GBF1: variants seen among roughly 807,000 people sequenced by gnomAD.
GBF1 encodes the protein golgi brefeldin A resistant guanine nucleotide exchange factor 1.
GBF1 carries 114 observed loss-of-function variants against 210.5 expected under a neutral mutation model. That is an observed-to-expected ratio of 0.54 (90% CI 0.47 to 0.63). The LOEUF (loss-of-function observed/expected upper bound fraction) is 0.63. Ranked by LOEUF, GBF1 falls within the 30% of genes least tolerant of loss-of-function variation. The probability of loss-of-function intolerance (pLI) is 0.00; values close to 1 mark genes in which losing one functional copy is unlikely to be tolerated. For missense variants in GBF1, 1,851 were observed against 2,357.7 expected, an observed-to-expected ratio of 0.79 and a Z score of 4.45; for synonymous variants, 850 against 889.2, an observed-to-expected ratio of 0.96 and a Z score of 0.78.
chr10:102,319,245 G>A (rs962624149), intron 3 of GBF1, among the ~76,000 whole-genome samples: 39 of 152,248 alleles, frequency 2.6e-4, no homozygotes, highest in Admixed American at 6.5e-4. Flanking sequence ...GCATGAACCC[G>A]GGAGGCGGAG....
chr10:102,333,923 T>C (rs999410154), intron 3 of GBF1, among the ~76,000 whole-genome samples: 6 of 152,222 alleles, frequency 3.9e-5, no homozygotes, highest in Non-Finnish European at 8.8e-5. Context: ...AATGTACAGA[T>C]ACAGACAGAA....
chr10:102,361,005 C>T lies in GBF1; in HGVS notation c.1393-17C>T, dbSNP rs753392881. On this transcript the variant is annotated splice_polypyrimidine_tract_variant and intron_variant, in intron 12 of 39. Transcript: ENST00000369983. ...AAAAAAAAAAAAACTCATGGCCTAC[C>T]CTGCTCTCATCTCCAGCTACTCAGC... 1 of 1,301,094 alleles carries T rather than the reference C, an allele frequency of 7.7e-7. No homozygotes were observed. Among genetic ancestry groups the T allele is most frequent in the South Asian group, 1.2e-5 (1 of 84,948 alleles). The allele number at this position is 1,301,094 out of a possible 1,614,324, so 80.6% of individuals were successfully genotyped here.
At position 102,359,233 on chromosome 10, in the gene GBF1, C is replaced by T. The variant is rs78416676; in HGVS notation, c.1012-34C>T. The T allele has an allele frequency of 2.4e-3, 3,591 of 1,527,200 alleles. 5 individuals are homozygous for T. Among genetic ancestry groups the T allele is most frequent in the Admixed American group, 3.2e-3 (191 of 59,850 alleles). 94.6% of individuals were successfully genotyped at this position (1,527,200 alleles called of 1,614,324 possible). On this transcript the variant is annotated intron_variant, in intron 10 of 39. Coordinates refer to ENST00000369983, the MANE Select transcript of GBF1 (RefSeq NM_001377137.1). ...AAGTTCCAAGTTGCTCTTGCCTCAT[C>T]CCTCTTCCCATATCTCCCTGCTACT...
chr10:102,351,311 C>T lies in GBF1; in HGVS notation c.351C>T (p.Thr117=). Residue 117 remains threonine, a synonymous_variant, in exon 5 of 40, where the codon ACC becomes ACT. Coordinates refer to ENST00000369983, the MANE Select transcript of GBF1 (RefSeq NM_001377137.1). The part of the protein sequence containing the change: ...EGMENMADAV[T]HARFVGTDPA... The stretch of plus-strand genomic sequence containing the variant: ...TGGAGAACATGGCAGATGCTGTCAC[C>T]CATGCTCGTTTTGTGGGCACGGATC... The T allele has an allele frequency of 6.2e-7, 1 of 1,612,430 alleles. No homozygotes were observed. Among genetic ancestry groups the T allele is most frequent in the Non-Finnish European group, 8.5e-7 (1 of 1,178,522 alleles).
At chr10:102,352,629 A>C in intron 7 of GBF1, 111 bp downstream of exon 7, 3 of 748,932 alleles carry the variant, frequency 4.0e-6, no homozygotes. Flanking sequence ...ATCAGAGGCC[A>C]CTGGGATTAT....
At chr10:102,233,444 C>T in the GBF1 span, among the ~76,000 whole-genome samples, 1 of 151,730 alleles carries the variant, frequency 6.6e-6, no homozygotes, top group Non-Finnish European at 1.5e-5. Context: ...GCTGGGACTA[C>T]AGGCACGTGC....
intron 3 of GBF1, among the ~76,000 whole-genome samples, chr10:102,338,230 CCTT>C (rs1416899614): frequency 9.9e-4 from 146 of 147,030 alleles, no homozygotes; most frequent in Non-Finnish European, 1.7e-3. Context: ...ATTCCAACAA[CCTT>C]CTTCTTTTTT....
At chr10:102,377,231 G>A in intron 33 of GBF1, 91 bp downstream of exon 33, 1 of 947,530 alleles carries the variant, frequency 1.1e-6, no homozygotes, top group South Asian at 1.4e-5. Flanking sequence ...GAGGGGAAGG[G>A]CCCATGTGTG....
the GBF1 span, among the ~76,000 whole-genome samples, chr10:102,236,089 G>A: frequency 1.3e-5 from 2 of 152,180 alleles, no homozygotes; most frequent in Non-Finnish European, 2.9e-5. Flanking sequence ...ATGGAAGGGT[G>A]GGGGCATAGA....
rs10682113 is a variant in GBF1 at position 102,267,502 on chromosome 10, T to TCAACAA, written c.163+7408_163+7413dup. Among the ~76,000 whole-genome samples, 446 of 151,260 alleles carry TCAACAA rather than the reference T, an allele frequency of 2.9e-3. 6 individuals carry two copies. In the South Asian group the frequency reaches 0.034, roughly 12 times the overall value. ...CTGGGTGGCAGATCAAGACTCCATCTCAACAACAACAACAACAACAACAAC... is the reference window on the plus strand; with the variant it reads ...CTGGGTGGCAGATCAAGACTCCATCTCAACAACAACAACAACAACAACAACAACAAC... On this transcript the variant is annotated intron_variant, in intron 3 of 39. Coordinates refer to ENST00000369983, the MANE Select transcript of GBF1 (RefSeq NM_001377137.1).
intron 3 of GBF1, among the ~76,000 whole-genome samples, chr10:102,325,832 T>A (rs2056853929): frequency 6.6e-6 from 1 of 151,990 alleles, no homozygotes; most frequent in Non-Finnish European, 1.5e-5. Flanking sequence ...GTATTTTTAG[T>A]AGAGATGGGG....
intron 33 of GBF1, among the ~76,000 whole-genome samples, chr10:102,377,720 AC>A (rs1207324978): frequency 2.0e-5 from 3 of 152,146 alleles, no homozygotes; most frequent in Non-Finnish European, 4.4e-5. Context: ...AAAAGGGTAA[AC>A]TGATAAAACT....
intron 3 of GBF1, 48 bp from the exon 4 acceptor site, chr10:102,344,003 A>G (rs749962275): frequency 6.4e-7 from 1 of 1,559,050 alleles, no homozygotes; most frequent in Non-Finnish European, 8.8e-7. Context: ...TCCAGGGTTT[A>G]GTTTTCTCTT....
Position 102,358,627 on chromosome 10 carries a change from G to A in GBF1, c.909G>A (p.Lys303=), listed in dbSNP as rs2059424640. 1.9e-6 allele frequency: 3 copies of A among 1,613,766 alleles called. No homozygotes were observed. Among genetic ancestry groups the A allele is most frequent in the Admixed American group, 3.3e-5 (2 of 59,996 alleles). ...GLEFSSQTTS[K]EDLTDLEQPG... ...AATTCTCCTCCCAAACCACTTCCAA[G>A]GAAGACCTTACTGATCTAGAGCAAC... The change falls in exon 10 of 40, where the codon AAG becomes AAA. Residue 303 remains lysine (K), a synonymous_variant. Coordinates refer to ENST00000369983, the MANE Select transcript of GBF1 (RefSeq NM_001377137.1).
At chr10:102,329,920 G>A (rs1282444744) in intron 3 of GBF1, among the ~76,000 whole-genome samples, 2 of 151,792 alleles carry the variant, frequency 1.3e-5, no homozygotes, top group Non-Finnish European at 2.9e-5. Flanking sequence ...ACCAGCCTGG[G>A]CAACATAGCA....
At chr10:102,267,502 TCAACAACAACAA>T (rs10682113) in intron 3 of GBF1, among the ~76,000 whole-genome samples, 1 of 151,144 alleles carries the variant, frequency 6.6e-6, no homozygotes, top group Non-Finnish European at 1.5e-5. Flanking sequence ...AGACTCCATC[TCAACAACAACAA>T]CAACAACAAC....
chr10:102,319,334 C>CAAA (rs1363806455), intron 3 of GBF1, among the ~76,000 whole-genome samples: 25 of 150,350 alleles, frequency 1.7e-4, no homozygotes, highest in Admixed American at 1.7e-3. Flanking sequence ...ACAACAACAA[C>CAAA]AAAAGGCTAG....
chr10:102,263,795 A>G (rs2073522921), intron 3 of GBF1, among the ~76,000 whole-genome samples: 1 of 152,166 alleles, frequency 6.6e-6, no homozygotes, highest in Non-Finnish European at 1.5e-5. Context: ...TTCTAATAAT[A>G]CCAAATTTGA....
chr10:102,320,172 C>T (rs979656690), intron 3 of GBF1, among the ~76,000 whole-genome samples: 8 of 152,108 alleles, frequency 5.3e-5, no homozygotes, highest in African/African-American at 1.9e-4. Flanking sequence ...TATACTGACA[C>T]TAATTGAAGG....
Sources: allele counts gnomAD v4.1 joint callset (sites outside exome capture counted in the v4.1 genomes callset), GRCh38; gene constraint gnomAD v4.1.1; transcripts MANE v1.5; gene names NCBI Gene and HGNC (gene_info 2026-07-23, HGNC 2026-07-21).